IRX3: variants seen among roughly 807,000 people sequenced by gnomAD.
The protein encoded by IRX3 is iroquois homeobox 3.
Under a neutral mutation model 36.4 loss-of-function variants are expected in IRX3, and 20 were observed. The observed-to-expected ratio is 0.55, with a 90% confidence interval of 0.39 to 0.80. The LOEUF (loss-of-function observed/expected upper bound fraction) is 0.80, where lower values mean the gene tolerates loss of function less well. Among genes scored for constraint, IRX3 ranks in the 30% least tolerant of loss-of-function variants. IRX3 has a pLI of 0.00. For synonymous variants in IRX3, 404 were observed against 351.6 expected (o/e 1.15, Z -1.67); for missense variants, 718 against 733.2 (o/e 0.98, Z 0.24).
rs1362297248 is a variant in IRX3 at position 54,285,062 on chromosome 16, C to T, written c.819G>A (p.Ala273=). Residue 273 remains alanine (A), a synonymous_variant, in exon 2 of 4, where the codon GCG becomes GCA. Coordinates refer to ENST00000329734, the MANE Select transcript of IRX3 (RefSeq NM_024336.3). This position sits in a 1 kb window ranked among gnomAD's most constrained non-coding sequence, Gnocchi z 5.7. ...GGCCTAGGTCGCCATCCCTGCGCGC[C>T]GCCCCAGCCAGGGACAGCTCAGGCT... ...ATEPELSLAG[A]ARRDGDLGLG... is the part of the protein sequence containing the mutation. 2 of 1,613,784 alleles carry T rather than the reference C, an allele frequency of 1.2e-6. No individual in the cohort carries two copies. Among genetic ancestry groups the T allele is most frequent in the African/African-American group, 1.3e-5 (1 of 74,874 alleles).
At position 54,283,611 on chromosome 16, in the gene IRX3, C is replaced by T. The variant is rs1052095418; in HGVS notation, c.*75G>A. 2.7e-6 allele frequency: 2 copies of T among 739,444 alleles called. No homozygotes were observed. The highest frequency in any genetic ancestry group is 4.8e-6 in the Non-Finnish European group (2 of 420,934). The allele number at this position is 739,444 out of a possible 1,614,324, so 45.8% of individuals were successfully genotyped here. On this transcript the variant is annotated 3_prime_UTR_variant, in exon 4 of 4. Transcript: ENST00000329734. This position sits in a 1 kb window ranked among gnomAD's most constrained non-coding sequence, Gnocchi z 4.4. ...GACATGCTTACAAGTTGTAACTATACAGAGCGATTTTTTTTATACAATTAT... is the reference window on the plus strand; with the variant it reads ...GACATGCTTACAAGTTGTAACTATATAGAGCGATTTTTTTTATACAATTAT...
At position 54,285,150 on chromosome 16, in the gene IRX3, C is replaced by T. The variant is rs140590187; in HGVS notation, c.731G>A (p.Gly244Asp). ...GGEEEDTGGE[G>D]LADDDEDEEI... ...CTCGTCCTCGTCGTCGTCAGCCAGG[C>T]CCTCGCCCCCCGTGTCCTCCTCCTC... is the stretch of plus-strand genomic sequence containing the variant. The change falls in exon 2 of 4, where the codon GGC becomes GAC. Residue 244 changes from glycine to aspartate, a missense_variant. Physicochemically the swap from Gly to Asp is moderately conservative, Grantham distance 94. This residue lies in a region of IRX3 where 468 missense variants were observed against 462.1 expected (regional missense o/e 1.01). Transcript: ENST00000329734. The surrounding 1 kb of genome is among the most constrained non-coding windows in gnomAD (Gnocchi z 5.7). 1.2e-6 allele frequency: 2 copies of T among 1,608,392 alleles called. No individual in the cohort carries two copies. The highest frequency in any genetic ancestry group is 2.2e-5 in the East Asian group (1 of 44,644).
rs1901306533 is a variant in IRX3, at chr16:54,285,520, C to T, written c.361G>A (p.Gly121Ser). 2 of 1,613,410 alleles carry T rather than the reference C, an allele frequency of 1.2e-6. No individual in the cohort carries two copies. Among genetic ancestry groups the T allele is most frequent in the Non-Finnish European group, 8.5e-7 (1 of 1,179,696 alleles). Residue 121 changes from glycine (G) to serine (S), a missense_variant, in exon 2 of 4, where the codon GGC (glycine) becomes AGC (serine). Physicochemically the swap from Gly to Ser is moderately conservative, Grantham distance 56. Around this residue, in one of 3 missense-constraint regions of IRX3, gnomAD observed 204 missense variants for 181.4 expected, o/e 1.12. Coordinates refer to ENST00000329734, the MANE Select transcript of IRX3 (RefSeq NM_024336.3). The surrounding 1 kb of genome is among the most constrained non-coding windows in gnomAD (Gnocchi z 5.7). ...GACGGGTCCCCGAACTGGTACTGGC[C>T]ATACGGGTAGAAGGCGGGGTGCGGG... ...PHPHPAFYPY[G>S]QYQFGDPSRP...
chr16:54,283,479 C>T lies in IRX3; in HGVS notation c.*207G>A, dbSNP rs1249579693. The T allele has an allele frequency of 4.0e-6, 2 of 495,146 alleles. No homozygotes were observed. Among genetic ancestry groups the T allele is most frequent in the Non-Finnish European group, 7.3e-6 (2 of 272,890 alleles). 30.7% of individuals were successfully genotyped at this position (495,146 alleles called of 1,614,324 possible). On this transcript the variant is annotated 3_prime_UTR_variant, in exon 4 of 4. Coordinates refer to ENST00000329734, the MANE Select transcript of IRX3 (RefSeq NM_024336.3). The surrounding 1 kb of genome is among the most constrained non-coding windows in gnomAD (Gnocchi z 4.4). ...TCAACCGGACAAACAAACCTCACAG[C>T]GAATGCGGGGTGCCACAGAAGCGAC...
Position 54,284,619 on chromosome 16 carries a change from CG to C in IRX3, c.1261del (p.Arg421AlafsTer102). ...RPFPGPPPGP[R>X]LHPLSLLGSA... ...GCCCAGCAGGGAGAGCGGGTGCAGG[CG>C]GGGGCCGGGCGGTGGGCCTGGAAAC... On this transcript the variant is annotated frameshift_variant, in exon 2 of 4. Transcript: ENST00000329734. LOFTEE classifies it high-confidence loss of function. The surrounding 1 kb of genome is among the most constrained non-coding windows in gnomAD (Gnocchi z 4.0). 4.4e-6 allele frequency: 6 copies of C among 1,359,824 alleles called. No individual in the cohort carries two copies. The highest frequency in any genetic ancestry group is 1.7e-5 in the South Asian group (1 of 57,490). The allele number at this position is 1,359,824 out of a possible 1,614,324, so 84.2% of individuals were successfully genotyped here.
Position 54,283,726 on chromosome 16 carries a change from A to G in IRX3, c.1466T>C (p.Leu489Pro). The change falls in exon 4 of 4, where the codon CTG (leucine) becomes CCG (proline). Residue 489 changes from leucine (L) to proline (P), a missense_variant. By Grantham distance (98) the Leu-to-Pro change is moderately conservative. This residue lies in a region of IRX3 where 468 missense variants were observed against 462.1 expected (regional missense o/e 1.01). Transcript: ENST00000329734. This position sits in a 1 kb window ranked among gnomAD's most constrained non-coding sequence, Gnocchi z 4.4. ...AGCCGATAAGACCAGGGCGGCGTCC[A>G]GATGGTTCTGGGGCCTGGAAGAGAG... Reference protein sequence around the residue: ...QPVPRRPQNHLDAALVLSALS... With the variant: ...QPVPRRPQNHPDAALVLSALS... 1 of 1,558,532 alleles carries G rather than the reference A, an allele frequency of 6.4e-7. No homozygotes were observed. Among genetic ancestry groups the G allele is most frequent in the Non-Finnish European group, 8.9e-7 (1 of 1,129,580 alleles).
At position 54,284,010 on chromosome 16, in the gene IRX3, C is replaced by T; in HGVS notation, c.1451+236G>A. ...TGGGCCCAGCCACGCAAGGCTTCCC[C>T]TAGAAGGTACAAGCGCTGTACCCTC... On this transcript the variant is annotated intron_variant, in intron 3 of 3. Coordinates refer to ENST00000329734, the MANE Select transcript of IRX3 (RefSeq NM_024336.3). This position sits in a 1 kb window ranked among gnomAD's most constrained non-coding sequence, Gnocchi z 4.0. 3.5e-6 allele frequency: 5 copies of T among 1,421,190 alleles called. No homozygotes were observed. The highest frequency in any genetic ancestry group is 3.7e-6 in the Non-Finnish European group (4 of 1,086,474). 88.0% of individuals were successfully genotyped at this position (1,421,190 alleles called of 1,614,324 possible). A position where few individuals can be genotyped will look rare whatever the true frequency, so the allele number is the denominator to read the frequency against.
chr16:54,286,135 G>T lies in IRX3; in HGVS notation c.-85C>A. 8.7e-7 allele frequency: 1 copy of T among 1,150,098 alleles called. No homozygotes were observed. The highest frequency in any genetic ancestry group is 1.1e-6 in the Non-Finnish European group (1 of 930,012). 71.2% of individuals were successfully genotyped at this position (1,150,098 alleles called of 1,614,324 possible). On this transcript the variant is annotated 5_prime_UTR_variant, in exon 1 of 4. Coordinates refer to ENST00000329734, the MANE Select transcript of IRX3 (RefSeq NM_024336.3). ...CCGCCCGCGGGCTCCGGCGCGCATC[G>T]GGGGCTGGGCCGGGCTTGGGGCCGC... is the stretch of plus-strand genomic sequence containing the variant.
In IRX3 at chr16:54,286,441, C is replaced by T. The variant is rs1482955662; in HGVS notation, c.-391G>A. ...GTCGCGCCTCGCTTCCTTCGCCCTC[C>T]TCTAGTTTTCACTCCCCCTCCTCGC... is the stretch of plus-strand genomic sequence containing the variant. On this transcript the variant is annotated 5_prime_UTR_variant, in exon 1 of 4. Transcript: ENST00000329734. 4 of 968,838 alleles carry T rather than the reference C, an allele frequency of 4.1e-6. No individual in the cohort carries two copies. The highest frequency in any genetic ancestry group is 1.8e-5 in the African/African-American group (1 of 56,812). The allele number at this position is 968,838 out of a possible 1,614,324, so 60.0% of individuals were successfully genotyped here. A position where few individuals can be genotyped will look rare whatever the true frequency, so the allele number is the denominator to read the frequency against.
Position 54,283,402 on chromosome 16 carries a change from A to G in IRX3, c.*284T>C. On this transcript the variant is annotated 3_prime_UTR_variant, in exon 4 of 4. Transcript: ENST00000329734. This position sits in a 1 kb window ranked among gnomAD's most constrained non-coding sequence, Gnocchi z 4.4. ...TATGTACATTTCTCTGTATATATAC[A>G]CACACACAAAGGCAGACACGTTTAT... 1 of 366,868 alleles carries G rather than the reference A, an allele frequency of 2.7e-6. No homozygotes were observed. Among genetic ancestry groups the G allele is most frequent in the South Asian group, 3.1e-5 (1 of 31,994 alleles). The allele number at this position is 366,868 out of a possible 1,614,324, so 22.7% of individuals were successfully genotyped here.
chr16:54,283,486 G>C lies in IRX3; in HGVS notation c.*200C>G. The stretch of plus-strand genomic sequence containing the variant: ...GACAAACAAACCTCACAGCGAATGC[G>C]GGGTGCCACAGAAGCGACTTGGGGA... On this transcript the variant is annotated 3_prime_UTR_variant, in exon 4 of 4. Coordinates refer to ENST00000329734, the MANE Select transcript of IRX3 (RefSeq NM_024336.3). This position sits in a 1 kb window ranked among gnomAD's most constrained non-coding sequence, Gnocchi z 4.4. 3 of 498,194 alleles carry C rather than the reference G, an allele frequency of 6.0e-6. No homozygotes were observed. The South Asian group carries it at 7.2e-5, about 12-fold the overall frequency. 30.9% of individuals were successfully genotyped at this position (498,194 alleles called of 1,614,324 possible). A position where few individuals can be genotyped will look rare whatever the true frequency, so the allele number is the denominator to read the frequency against.
chr16:54,283,710 G>T lies in IRX3; in HGVS notation c.1482C>A (p.Val494=). 1.4e-6 allele frequency: 2 copies of T among 1,463,268 alleles called. No homozygotes were observed. Among genetic ancestry groups the T allele is most frequent in the South Asian group, 1.1e-5 (1 of 88,056 alleles). The allele number at this position is 1,463,268 out of a possible 1,614,324, so 90.6% of individuals were successfully genotyped here. A position where few individuals can be genotyped will look rare whatever the true frequency, so the allele number is the denominator to read the frequency against. ...ACTAGGATGAGGAGAGAGCCGATAA[G>T]ACCAGGGCGGCGTCCAGATGGTTCT... is the stretch of plus-strand genomic sequence containing the variant. The part of the protein sequence containing the change: ...RPQNHLDAAL[V]LSALSSS The change falls in exon 4 of 4, where the codon GTC becomes GTA. Residue 494 remains valine, a synonymous_variant. Coordinates refer to ENST00000329734, the MANE Select transcript of IRX3 (RefSeq NM_024336.3). This position sits in a 1 kb window ranked among gnomAD's most constrained non-coding sequence, Gnocchi z 4.4.
chr16:54,286,072 G>C lies in IRX3; in HGVS notation c.-22C>G. 8.0e-7 allele frequency: 1 copy of C among 1,254,632 alleles called. No homozygotes were observed. The highest frequency in any genetic ancestry group is 1.0e-6 in the Non-Finnish European group (1 of 995,106). 77.7% of individuals were successfully genotyped at this position (1,254,632 alleles called of 1,614,324 possible). A position where few individuals can be genotyped will look rare whatever the true frequency, so the allele number is the denominator to read the frequency against. On this transcript the variant is annotated 5_prime_UTR_variant, in exon 1 of 4. Coordinates refer to ENST00000329734, the MANE Select transcript of IRX3 (RefSeq NM_024336.3). The stretch of plus-strand genomic sequence containing the variant: ...ACATGGTGGCCCGCGGGGCACGGAC[G>C]GAGAGGGGGGCCGACCCCCGGGCCG...
At position 54,284,465 on chromosome 16, in the gene IRX3, C is replaced by T. The variant is rs1458269349; in HGVS notation, c.1384+32G>A. 7 of 1,392,976 alleles carry T rather than the reference C, an allele frequency of 5.0e-6. No individual in the cohort carries two copies. The highest frequency in any genetic ancestry group is 3.0e-5 in the East Asian group (1 of 33,010). 86.3% of individuals were successfully genotyped at this position (1,392,976 alleles called of 1,614,324 possible). On this transcript the variant is annotated intron_variant, in intron 2 of 3. Coordinates refer to ENST00000329734, the MANE Select transcript of IRX3 (RefSeq NM_024336.3). This position sits in a 1 kb window ranked among gnomAD's most constrained non-coding sequence, Gnocchi z 4.0. ...GCTCCGGCACTACCCGCAGAGCCCGCCCCCGCTCCGCGCCCAGCGCTCAGC... is the reference window on the plus strand; with the variant it reads ...GCTCCGGCACTACCCGCAGAGCCCGTCCCCGCTCCGCGCCCAGCGCTCAGC...
chr16:54,285,482 G>A lies in IRX3; in HGVS notation c.399C>T (p.Asn133=). 1.2e-6 allele frequency: 2 copies of A among 1,614,166 alleles called. No homozygotes were observed. The highest frequency in any genetic ancestry group is 1.3e-5 in the African/African-American group (1 of 75,058). ...YQFGDPSRPK[N]ATRESTSTLK... ...GCGTGCTGGTGCTCTCCCTGGTGGC[G>A]TTCTTGGGACGGGACGGGTCCCCGA... Residue 133 remains asparagine, a synonymous_variant, in exon 2 of 4, where the codon AAC becomes AAT. Transcript: ENST00000329734. This position sits in a 1 kb window ranked among gnomAD's most constrained non-coding sequence, Gnocchi z 5.7.
In IRX3 at chr16:54,285,692, T is replaced by G. The variant is rs1055262362; in HGVS notation, c.268-79A>C. On this transcript the variant is annotated intron_variant, in intron 1 of 3. Transcript: ENST00000329734. This position sits in a 1 kb window ranked among gnomAD's most constrained non-coding sequence, Gnocchi z 5.7. ...CCAGCCATCGCTGCCTCCCCCCTCC[T>G]GGCCTGCACCCCTCTAGTCCGGCCC... 6 of 1,461,096 alleles carry G rather than the reference T, an allele frequency of 4.1e-6. No individual in the cohort carries two copies. In the Admixed American group the frequency reaches 1.0e-4, roughly 25 times the overall value. The allele number at this position is 1,461,096 out of a possible 1,614,324, so 90.5% of individuals were successfully genotyped here. A position where few individuals can be genotyped will look rare whatever the true frequency, so the allele number is the denominator to read the frequency against.
At position 54,284,325 on chromosome 16, in the gene IRX3, G is replaced by A. The variant is rs184631865; in HGVS notation, c.1385-13C>T. Reference sequence around the variant, plus strand: ...GCACTACAGCGATCTAAGGGAAGCGGGGGAAGAAAAAGGAGGGCCTTTAGA... The same window carrying A: ...GCACTACAGCGATCTAAGGGAAGCGAGGGAAGAAAAAGGAGGGCCTTTAGA... On this transcript the variant is annotated splice_polypyrimidine_tract_variant and intron_variant, in intron 2 of 3. Transcript: ENST00000329734. This position sits in a 1 kb window ranked among gnomAD's most constrained non-coding sequence, Gnocchi z 4.0. The A allele has an allele frequency of 3.1e-4, 490 of 1,601,240 alleles. No homozygotes were observed. In the African/African-American group the frequency reaches 5.9e-3, roughly 19 times the overall value.
Position 54,283,399 on chromosome 16 carries a change from T to TAC in IRX3, c.*285_*286dup, listed in dbSNP as rs1567615630. ...ACATATGTACATTTCTCTGTATATA[T>TAC]ACACACACACAAAGGCAGACACGTT... On this transcript the variant is annotated 3_prime_UTR_variant, in exon 4 of 4. Transcript: ENST00000329734. This position sits in a 1 kb window ranked among gnomAD's most constrained non-coding sequence, Gnocchi z 4.4. The TAC allele has an allele frequency of 1.4e-5, 5 of 359,586 alleles. No homozygotes were observed. Among genetic ancestry groups the TAC allele is most frequent in the South Asian group, 3.2e-5 (1 of 31,362 alleles). 22.3% of individuals were successfully genotyped at this position (359,586 alleles called of 1,614,324 possible).
Position 54,283,944 on chromosome 16 carries a change from G to T in IRX3, c.1452-204C>A. On this transcript the variant is annotated intron_variant, in intron 3 of 3. Coordinates refer to ENST00000329734, the MANE Select transcript of IRX3 (RefSeq NM_024336.3). This position sits in a 1 kb window ranked among gnomAD's most constrained non-coding sequence, Gnocchi z 4.4. ...AGGACCCGAGGTCTGGGGCTGGAAA[G>T]AGGTGGGCGTCAGAGAACCGCCACC... The T allele has an allele frequency of 1.0e-6, 1 of 985,416 alleles. No homozygotes were observed. Among genetic ancestry groups the T allele is most frequent in the South Asian group, 4.7e-5 (1 of 21,286 alleles). The allele number at this position is 985,416 out of a possible 1,614,324, so 61.0% of individuals were successfully genotyped here.
Sources: allele counts gnomAD v4.1 joint callset, GRCh38; gene constraint gnomAD v4.1.1; regional missense constraint gnomAD v4.1.1; non-coding constraint Gnocchi (gnomAD v3.1); transcripts MANE v1.5; gene names NCBI Gene and HGNC (gene_info 2026-07-23, HGNC 2026-07-21).